The following SMAD1 variants were observed in gnomAD, a reference collection of about 807,000 sequenced individuals.
SMAD1 encodes the protein SMAD family member 1.
In SMAD1, 6 loss-of-function variants were observed where a neutral mutation model predicts 41.6. That is an observed-to-expected ratio of 0.14 (90% CI 0.08 to 0.28). SMAD1 has a LOEUF of 0.28. SMAD1 is among the 10% of genes least tolerant of loss of function. The probability of loss-of-function intolerance (pLI) is 1.00; values close to 1 mark genes in which losing one functional copy is unlikely to be tolerated. For synonymous variants in SMAD1, 206 were observed against 203.2 expected (o/e 1.01, Z -0.12); for missense variants, 379 against 582.6 (o/e 0.65, Z 3.60).
At chr4:145,527,001 C>T (rs890182507) in intron 2 of SMAD1, among the ~76,000 whole-genome samples, 1 of 152,076 alleles carries the variant, frequency 6.6e-6, no homozygotes, top group Admixed American at 6.6e-5. Context: ...CTAATGCATT[C>T]TTGAAACAAT....
At chr4:145,512,836 T>C (rs910031534) in intron 1 of SMAD1, among the ~76,000 whole-genome samples, 3 of 152,218 alleles carry the variant, frequency 2.0e-5, no homozygotes, top group African/African-American at 7.2e-5. Context: ...TGTCTTCCTC[T>C]ACAGAGAATT....
chr4:145,547,698 C>A (rs1732324711), intron 5 of SMAD1, among the ~76,000 whole-genome samples: 1 of 152,076 alleles, frequency 6.6e-6, no homozygotes, highest in South Asian at 2.1e-4. Flanking sequence ...GCTTGGGTTT[C>A]CACTGTGGAA....
chr4:145,547,362 T>C (rs1732305479), intron 5 of SMAD1, among the ~76,000 whole-genome samples: 1 of 152,108 alleles, frequency 6.6e-6, no homozygotes, highest in Admixed American at 6.5e-5. Context: ...AACCCTGCAG[T>C]GATTGTACCC....
chr4:145,546,865 T>A lies in SMAD1; in HGVS notation c.938T>A (p.Leu313Gln). The A allele has an allele frequency of 6.2e-7, 1 of 1,614,200 alleles. No homozygotes were observed. Among genetic ancestry groups the A allele is most frequent in the Non-Finnish European group, 8.5e-7 (1 of 1,180,018 alleles). ...AATAAGAACCGTTTCTGCCTTGGGC[T>A]GCTCTCCAATGTTAACCGGAATTCC... The part of the protein sequence containing the change: ...SNNKNRFCLG[L>Q]LSNVNRNSTI... The change falls in exon 5 of 7, where the codon CTG becomes CAG. Residue 313 changes from leucine to glutamine, a missense_variant. Around this residue, in one of 3 missense-constraint regions of SMAD1, gnomAD observed 107 missense variants for 218.3 expected, o/e 0.49. Transcript: ENST00000302085.
intron 5 of SMAD1, among the ~76,000 whole-genome samples, chr4:145,549,954 T>C (rs1448739982): frequency 6.6e-6 from 1 of 152,174 alleles, no homozygotes; most frequent in East Asian, 1.9e-4. Context: ...AAGACATACT[T>C]TTCGTTAAAC....
At chr4:145,540,195 T>A in intron 3 of SMAD1, 134 bp downstream of exon 3, 1 of 974,560 alleles carries the variant, frequency 1.0e-6, no homozygotes, top group East Asian at 2.5e-5. Context: ...CTCGCACTTT[T>A]AGGATACAAC....
intron 1 of SMAD1, among the ~76,000 whole-genome samples, chr4:145,499,646 A>C (rs1225079940): frequency 2.6e-5 from 4 of 152,172 alleles, no homozygotes; most frequent in Non-Finnish European, 5.9e-5. Context: ...GCCTATGTGC[A>C]TAAGGTGTAG....
intron 2 of SMAD1, among the ~76,000 whole-genome samples, chr4:145,536,673 C>T (rs1578807375): frequency 6.6e-6 from 1 of 152,218 alleles, no homozygotes; most frequent in African/African-American, 2.4e-5. Context: ...AGTTCACAAC[C>T]ATTATAGCAA....
rs1732008437 is a variant in SMAD1, at chr4:145,542,614, G to A, written c.691G>A (p.Glu231Lys). ...GCCCCCACCTGCTTACCTGCCTCCT[G>A]AAGACCCCATGACCCAGGATGGCTC... ...DTPPPAYLPPEDPMTQDGSQP... is the reference protein window; with the variant it reads ...DTPPPAYLPPKDPMTQDGSQP... Residue 231 changes from glutamate (E) to lysine (K), a missense_variant, in exon 4 of 7, where the codon GAA becomes AAA. This residue lies in a region of SMAD1 where 208 missense variants were observed against 210.5 expected (regional missense o/e 0.99). Coordinates refer to ENST00000302085, the MANE Select transcript of SMAD1 (RefSeq NM_005900.3). 1.2e-6 allele frequency: 2 copies of A among 1,611,650 alleles called. No homozygotes were observed. The highest frequency in any genetic ancestry group is 2.7e-5 in the African/African-American group (2 of 74,854).
Position 145,554,046 on chromosome 4 carries a change from T to G in SMAD1, c.1254+6T>G. ...TACGTATGAGCTTTGTGAAGGTAAG[T>G]GAGCTCCGACTCCTCCATTTAGGGC... On this transcript the variant is annotated splice_donor_region_variant and intron_variant, in intron 6 of 6. Coordinates refer to ENST00000302085, the MANE Select transcript of SMAD1 (RefSeq NM_005900.3). The G allele has an allele frequency of 3.1e-6, 5 of 1,610,024 alleles. No individual in the cohort carries two copies. Among genetic ancestry groups the G allele is most frequent in the Non-Finnish European group, 4.2e-6 (5 of 1,177,040 alleles).
chr4:145,523,819 T>G (rs910646086), intron 2 of SMAD1, among the ~76,000 whole-genome samples: 7 of 152,198 alleles, frequency 4.6e-5, no homozygotes, highest in Non-Finnish European at 7.3e-5. Context: ...GTGGGTGCCC[T>G]CTGGCTTTTG....
At chr4:145,507,668 TAG>T in intron 1 of SMAD1, among the ~76,000 whole-genome samples, 1 of 151,744 alleles carries the variant, frequency 6.6e-6, no homozygotes, top group African/African-American at 2.4e-5. Flanking sequence ...TTTTTTTTAC[TAG>T]ATGAATACTT....
intron 1 of SMAD1, among the ~76,000 whole-genome samples, chr4:145,498,914 TTGTG>T (rs1729258116): frequency 6.6e-6 from 1 of 152,218 alleles, no homozygotes; most frequent in African/African-American, 2.4e-5. Flanking sequence ...ACATAGATCT[TTGTG>T]TGTGTTCATC....
intron 2 of SMAD1, among the ~76,000 whole-genome samples, chr4:145,525,251 T>C (rs1730965708): frequency 6.6e-6 from 1 of 152,200 alleles, no homozygotes; most frequent in African/African-American, 2.4e-5. Context: ...CTTGCCATTT[T>C]CCCCTTAAAA....
intron 5 of SMAD1, among the ~76,000 whole-genome samples, chr4:145,548,143 C>T (rs571940667): frequency 5.1e-4 from 78 of 152,290 alleles, no homozygotes; most frequent in Middle Eastern, 3.4e-3. Context: ...GGGCCTTCCA[C>T]TGGCCAACTC....
intron 5 of SMAD1, among the ~76,000 whole-genome samples, chr4:145,552,930 G>A (rs1732629209): frequency 6.6e-6 from 1 of 151,870 alleles, no homozygotes; most frequent in South Asian, 2.1e-4. Flanking sequence ...TATTTGAGAT[G>A]GTCTCACTCT....
chr4:145,486,770 C>G (rs1252812842), intron 1 of SMAD1, among the ~76,000 whole-genome samples: 2 of 152,168 alleles, frequency 1.3e-5, no homozygotes, highest in South Asian at 2.1e-4. Context: ...TGGTTCATAT[C>G]AAGGTGAACA....
chr4:145,481,766 CG>C, upstream of SMAD1: 1 of 187,332 alleles, frequency 5.3e-6, no homozygotes, highest in Non-Finnish European at 1.1e-5. Context: ...AGCGTGTGAG[CG>C]GGCGGGCGGG....
intron 1 of SMAD1, among the ~76,000 whole-genome samples, chr4:145,498,248 T>C (rs968306999): frequency 2.0e-5 from 3 of 152,196 alleles, no homozygotes; most frequent in African/African-American, 7.2e-5. Flanking sequence ...AATATGCCAT[T>C]TTTTGAAATG....
Sources: gnomAD v4.1 joint callset for allele counts (sites outside exome capture counted in the v4.1 genomes callset) on GRCh38, gnomAD v4.1.1 for gene constraint, gnomAD v4.1.1 regional missense constraint, MANE v1.5 for transcripts, NCBI Gene and HGNC (gene_info 2026-07-23, HGNC 2026-07-21) for gene names.